Variants in PDE4D observed in about 807,000 individuals in gnomAD.
PDE4D encodes the protein phosphodiesterase 4D.
In PDE4D, 24 loss-of-function variants were observed where a neutral mutation model predicts 87.4. That is an observed-to-expected ratio of 0.27 (90% confidence interval 0.20 to 0.39). The LOEUF is 0.39. Among genes scored for constraint, PDE4D ranks in the 10% least tolerant of loss-of-function variants. PDE4D has a pLI of 1.00. For missense variants in PDE4D, 714 were observed against 1,041.0 expected (o/e 0.69, Z 4.32); for synonymous variants, 384 against 383.2 (o/e 1.00, Z -0.02).
chr5:60,123,019 A>C (rs1390739342), intron 2 of PDE4D, among the ~76,000 whole-genome samples: 1 of 152,220 alleles, frequency 6.6e-6, no homozygotes, highest in East Asian at 1.9e-4. Flanking sequence ...TTGCTAAAAC[A>C]TAATAAGAAT....
intron 5 of PDE4D, among the ~76,000 whole-genome samples, chr5:59,069,117 A>C (rs936489647): frequency 6.6e-6 from 1 of 152,214 alleles, no homozygotes; most frequent in Non-Finnish European, 1.5e-5. Flanking sequence ...AAAGTTATCT[A>C]AATAATCCGT....
intron 1 of PDE4D, among the ~76,000 whole-genome samples, chr5:59,347,670 G>A (rs1311173584): frequency 6.6e-6 from 1 of 152,108 alleles, no homozygotes; most frequent in Non-Finnish European, 1.5e-5. Context: ...GTAATAGAAA[G>A]TATATTGTAA....
intron 1 of PDE4D, among the ~76,000 whole-genome samples, chr5:60,270,505 T>A (rs1054256493): frequency 6.6e-6 from 1 of 152,236 alleles, no homozygotes; most frequent in Non-Finnish European, 1.5e-5. Flanking sequence ...ACATTTTTCA[T>A]CTTTATCTCT....
chr5:60,123,795 C>T (rs1778899770), intron 2 of PDE4D, among the ~76,000 whole-genome samples: 1 of 152,168 alleles, frequency 6.6e-6, no homozygotes. Flanking sequence ...TTTGACCTTT[C>T]TCATTTTACT....
intron 6 of PDE4D, among the ~76,000 whole-genome samples, chr5:59,032,765 G>A (rs1018749771): frequency 6.6e-6 from 1 of 152,164 alleles, no homozygotes; most frequent in Admixed American, 6.5e-5. Flanking sequence ...TGAGCACCCA[G>A]TGTGTGCTAA....
At chr5:59,023,643 G>T (rs1755653187) in intron 6 of PDE4D, among the ~76,000 whole-genome samples, 1 of 152,128 alleles carries the variant, frequency 6.6e-6, no homozygotes, top group South Asian at 2.1e-4. Flanking sequence ...TTGACAAGGT[G>T]AGAACTTGTC....
intron 1 of PDE4D, among the ~76,000 whole-genome samples, chr5:59,309,006 C>A (rs1772013989): frequency 6.6e-6 from 1 of 152,068 alleles, no homozygotes; most frequent in East Asian, 1.9e-4. Context: ...CTGAGTCATG[C>A]AGGTTGTCAG....
chr5:60,148,976 C>T (rs915458746), intron 2 of PDE4D, among the ~76,000 whole-genome samples: 14 of 152,194 alleles, frequency 9.2e-5, no homozygotes, highest in South Asian at 2.1e-4. Flanking sequence ...AGGAATTCTG[C>T]TATGGAGAAC....
intron 2 of PDE4D, among the ~76,000 whole-genome samples, chr5:60,002,420 G>A (rs1764104577): frequency 6.6e-6 from 1 of 152,108 alleles, no homozygotes; most frequent in South Asian, 2.1e-4. Context: ...TTCATTTTAT[G>A]AGGCCAGCAT....
At chr5:59,158,139 T>G (rs1482333326) in intron 5 of PDE4D, among the ~76,000 whole-genome samples, 1 of 152,222 alleles carries the variant, frequency 6.6e-6, no homozygotes, top group East Asian at 1.9e-4. Flanking sequence ...TATTTGCTAG[T>G]CCTAATGATC....
At chr5:60,263,699 T>A (rs1484847820) in intron 1 of PDE4D, among the ~76,000 whole-genome samples, 1 of 152,150 alleles carries the variant, frequency 6.6e-6, no homozygotes, top group East Asian at 1.9e-4. Flanking sequence ...TGAACAACAT[T>A]CACCCTTATA....
In PDE4D at chr5:59,699,180, A is replaced by G. The variant is rs1196806070; in HGVS notation, c.455+193988T>C. 2.0e-5 allele frequency among the ~76,000 whole-genome samples: 3 copies of G among 152,304 alleles called. No homozygotes were observed. In the East Asian group the frequency reaches 5.8e-4, roughly 29 times the overall value. ...TCTCATAATTCTGTTAAAAAATTAT[A>G]TTAATAGTTCCATGGAACACACAGA... On this transcript the variant is annotated intron_variant, in intron 1 of 14. Transcript: ENST00000340635.
intron 3 of PDE4D, among the ~76,000 whole-genome samples, chr5:59,921,110 A>C (rs1371552353): frequency 6.6e-6 from 1 of 152,196 alleles, no homozygotes; most frequent in Non-Finnish European, 1.5e-5. Context: ...AAACATCCTT[A>C]CTAAATGTTA....
chr5:59,016,288 A>G (rs1753955883), intron 6 of PDE4D, among the ~76,000 whole-genome samples: 1 of 152,076 alleles, frequency 6.6e-6, no homozygotes, highest in Non-Finnish European at 1.5e-5. Flanking sequence ...AAAAAATTAA[A>G]AAAGTAGATA....
At chr5:60,376,568 G>A (rs928333904) in intron 1 of PDE4D, among the ~76,000 whole-genome samples, 2 of 152,186 alleles carry the variant, frequency 1.3e-5, no homozygotes, top group African/African-American at 2.4e-5. Context: ...TGTCCTTCAT[G>A]TTTAAAACAC....
At chr5:59,384,559 A>C (rs1214886957) in intron 1 of PDE4D, among the ~76,000 whole-genome samples, 1 of 151,640 alleles carries the variant, frequency 6.6e-6, no homozygotes, top group Non-Finnish European at 1.5e-5. Context: ...TGTTGTTACA[A>C]GATTTAGAGG....
At chr5:59,110,428 T>C (rs1275651912) in intron 5 of PDE4D, among the ~76,000 whole-genome samples, 2 of 152,206 alleles carry the variant, frequency 1.3e-5, no homozygotes, top group Admixed American at 6.5e-5. Context: ...AATTTAAAAT[T>C]TCTACAAGGT....
At chr5:60,283,758 G>A (rs1267238514) in intron 1 of PDE4D, among the ~76,000 whole-genome samples, 2 of 152,070 alleles carry the variant, frequency 1.3e-5, no homozygotes, top group South Asian at 4.1e-4. Context: ...TGTAAAATGT[G>A]CCAGGTCTCC....
chr5:59,101,546 C>G (rs1049438098), intron 5 of PDE4D, among the ~76,000 whole-genome samples: 2 of 152,072 alleles, frequency 1.3e-5, no homozygotes, highest in African/African-American at 4.8e-5. Context: ...TAGAAGTGGA[C>G]AGTCAGATAG....
Sources: allele counts gnomAD v4.1 joint callset (sites outside exome capture counted in the v4.1 genomes callset), GRCh38; gene constraint gnomAD v4.1.1; transcripts MANE v1.5; gene names NCBI Gene and HGNC (gene_info 2026-07-23, HGNC 2026-07-21).